MALRD1: variants seen among roughly 807,000 people sequenced by gnomAD.
MALRD1 encodes the protein MAM and LDL receptor class A domain containing 1, also known as MAM and LDL-receptor class A domain-containing protein 1.
A neutral mutation model predicts 242.1 loss-of-function variants in MALRD1; 247 were observed. The observed-to-expected ratio is 1.02, with a 90% CI of 0.92 to 1.13. The LOEUF (loss-of-function observed/expected upper bound fraction) is 1.13, where lower values mean the gene tolerates loss of function less well. Ranked by LOEUF, MALRD1 falls within the 50% of genes most tolerant of loss-of-function variation. MALRD1 has a pLI of 0.00. For missense variants in MALRD1, 2,989 were observed against 2,533.1 expected, an observed-to-expected ratio of 1.18 and a Z score of -3.86; for synonymous variants, 995 against 866.6, an observed-to-expected ratio of 1.15 and a Z score of -2.60.
In MALRD1 at chr10:19,396,362, T is replaced by G. The variant is rs575224112; in HGVS notation, c.4845+6753T>G. 1.1e-4 allele frequency among the ~76,000 whole-genome samples: 17 copies of G among 152,182 alleles called. No individual in the cohort carries two copies. The South Asian group carries it at 3.5e-3, about 32-fold the overall frequency. Reference sequence around the variant, plus strand: ...CATGTTGCTCAGGCTGGTGTTGAACTCCTGGCCTCGTGATTCTCCTGTCTC... The same window carrying G: ...CATGTTGCTCAGGCTGGTGTTGAACGCCTGGCCTCGTGATTCTCCTGTCTC... On this transcript the variant is annotated intron_variant, in intron 28 of 39. Transcript: ENST00000454679.
chr10:19,398,713 C>T (rs1846694892), intron 28 of MALRD1, among the ~76,000 whole-genome samples: 2 of 152,142 alleles, frequency 1.3e-5, no homozygotes, highest in African/African-American at 4.8e-5. Flanking sequence ...TTTATGAGGA[C>T]ATCTATCTTA....
chr10:19,418,718 T>G (rs1322110382), intron 28 of MALRD1, among the ~76,000 whole-genome samples: 1 of 152,200 alleles, frequency 6.6e-6, no homozygotes, highest in Non-Finnish European at 1.5e-5. Context: ...AGATATCTCT[T>G]TATCTGCCAA....
intron 1 of MALRD1, among the ~76,000 whole-genome samples, chr10:19,058,727 A>C (rs999310423): frequency 1.3e-5 from 2 of 152,128 alleles, no homozygotes; most frequent in African/African-American, 4.8e-5. Flanking sequence ...AAACAACTCA[A>C]ACACACAAAA....
chr10:19,312,341 A>T (rs1186492123), intron 21 of MALRD1, among the ~76,000 whole-genome samples: 1 of 148,794 alleles, frequency 6.7e-6, no homozygotes, highest in East Asian at 2.0e-4. Context: ...TGCTCTATTA[A>T]TTAACCTCTG....
chr10:19,502,025 A>G (rs1431096940), intron 31 of MALRD1, among the ~76,000 whole-genome samples: 1 of 125,394 alleles, frequency 8.0e-6, no homozygotes, highest in South Asian at 2.5e-4. Context: ...AAAAAAAAAA[A>G]GAAAAGAAAA....
At chr10:19,605,273 G>T (rs552489096) in intron 34 of MALRD1, among the ~76,000 whole-genome samples, 111 of 151,014 alleles carry the variant, frequency 7.4e-4, no homozygotes, top group African/African-American at 2.6e-3. Flanking sequence ...TCCTTCCTCA[G>T]TCTCCCAAGT....
rs150419203 is a variant in MALRD1, at chr10:19,475,006, A to G, written c.5030-16511A>G. On this transcript the variant is annotated intron_variant, in intron 29 of 39. Transcript: ENST00000454679. ...CGTACCGCTTCATATAGGAAGTTCA[A>G]TATCCCTATTTATCACATGAGAAAT... 3.1e-4 allele frequency among the ~76,000 whole-genome samples: 47 copies of G among 152,366 alleles called. No individual in the cohort carries two copies. The East Asian group carries it at 6.9e-3, about 22-fold the overall frequency.
intron 36 of MALRD1, among the ~76,000 whole-genome samples, chr10:19,658,822 C>T (rs572477579): frequency 3.3e-5 from 5 of 152,144 alleles, no homozygotes; most frequent in East Asian, 3.9e-4. Flanking sequence ...TTGAAAACCA[C>T]GCTCGGTCTC....
intron 38 of MALRD1, among the ~76,000 whole-genome samples, chr10:19,721,256 C>G (rs1446501281): frequency 1.3e-5 from 2 of 152,036 alleles, no homozygotes; most frequent in African/African-American, 2.4e-5. Flanking sequence ...AAGATTGGAT[C>G]TTTGGGAAAG....
At chr10:19,315,882 T>G (rs1842684679) in intron 21 of MALRD1, among the ~76,000 whole-genome samples, 1 of 148,386 alleles carries the variant, frequency 6.7e-6, no homozygotes, top group Non-Finnish European at 1.5e-5. Flanking sequence ...ATAGTTATAT[T>G]ATTTTACTAA....
At chr10:19,111,332 G>A (rs1001339294) in intron 5 of MALRD1, among the ~76,000 whole-genome samples, 3 of 152,168 alleles carry the variant, frequency 2.0e-5, no homozygotes. Context: ...AATTGTTCTA[G>A]ACATCATTAT....
intron 35 of MALRD1, 81 bp downstream of exon 35, chr10:19,607,983 G>T: frequency 1.4e-6 from 2 of 1,476,614 alleles, no homozygotes; most frequent in Non-Finnish European, 1.8e-6. Flanking sequence ...TAAAACTTGA[G>T]GTTCTAAACA....
chr10:19,730,825 C>T (rs917106348), intron 39 of MALRD1, 44 bp downstream of exon 39: 3 of 1,437,956 alleles, frequency 2.1e-6, no homozygotes, highest in Non-Finnish European at 2.8e-6. Context: ...CATATGCACA[C>T]ACATACAAAC....
intron 21 of MALRD1, among the ~76,000 whole-genome samples, chr10:19,312,966 T>C (rs1390362182): frequency 6.6e-6 from 1 of 151,448 alleles, no homozygotes; most frequent in Admixed American, 6.6e-5. Flanking sequence ...GAATTTAGTA[T>C]GCAGCAAAAC....
intron 28 of MALRD1, among the ~76,000 whole-genome samples, chr10:19,392,093 A>G (rs564995374): frequency 2.6e-5 from 4 of 152,350 alleles, no homozygotes; most frequent in African/African-American, 7.2e-5. Flanking sequence ...CCTCATTTAT[A>G]TGGGGTAATA....
intron 29 of MALRD1, among the ~76,000 whole-genome samples, chr10:19,457,259 AAAAGCAGTCAC>A (rs1835707549): frequency 6.6e-6 from 1 of 152,196 alleles, no homozygotes; most frequent in Non-Finnish European, 1.5e-5. Flanking sequence ...ACTTGGAGGT[AAAAGCAGTCAC>A]ACAGCACTTG....
intron 25 of MALRD1, among the ~76,000 whole-genome samples, chr10:19,349,253 G>A (rs114511365): frequency 0.013 from 1,976 of 152,244 alleles, 36 homozygotes; most frequent in African/African-American, 0.037. Flanking sequence ...GAGCCCCTGC[G>A]CCCAGCCCAA....
chr10:19,536,461 C>T (rs770544323), intron 32 of MALRD1, among the ~76,000 whole-genome samples: 24 of 151,804 alleles, frequency 1.6e-4, no homozygotes, highest in Non-Finnish European at 2.6e-4. Context: ...TCGTCCCTCT[C>T]GTTTTAGGGA....
At chr10:19,584,385 C>T (rs1000050597) in intron 33 of MALRD1, among the ~76,000 whole-genome samples, 33 of 152,070 alleles carry the variant, frequency 2.2e-4, no homozygotes, top group Non-Finnish European at 4.1e-4. Flanking sequence ...TCCCTCTACA[C>T]ACTGCTTTGA....
Sources: gnomAD v4.1 joint callset for allele counts (sites outside exome capture counted in the v4.1 genomes callset) on GRCh38, gnomAD v4.1.1 for gene constraint, MANE v1.5 for transcripts, NCBI Gene and HGNC (gene_info 2026-07-23, HGNC 2026-07-21) for gene names.